Variants in VSNL1 observed in about 807,000 individuals in gnomAD.
The protein encoded by VSNL1 is visinin-like protein 1.
A neutral mutation model predicts 20.4 loss-of-function variants in VSNL1; 6 were observed. The ratio of observed to expected loss-of-function variants is 0.29; its 90% CI spans 0.16 to 0.58. VSNL1 has a LOEUF of 0.58. Ranked by LOEUF, VSNL1 falls within the 20% of genes least tolerant of loss-of-function variation. VSNL1 has a pLI of 0.90. For missense variants in VSNL1, 100 were observed against 234.5 expected, an observed-to-expected ratio of 0.43 and a Z score of 3.75; for synonymous variants, 93 against 86.4, an observed-to-expected ratio of 1.08 and a Z score of -0.42.
At chr2:17,584,407 C>A (rs1160316214) in intron 1 of VSNL1, among the ~76,000 whole-genome samples, 1 of 151,988 alleles carries the variant, frequency 6.6e-6, no homozygotes, top group Non-Finnish European at 1.5e-5. Flanking sequence ...TTGCATCTGA[C>A]CCCCAAGGGT....
chr2:17,589,549 T>C (rs1312770128), intron 1 of VSNL1, among the ~76,000 whole-genome samples: 1 of 152,178 alleles, frequency 6.6e-6, no homozygotes, highest in African/African-American at 2.4e-5. Context: ...AACCTGACTT[T>C]CTGTGTGATT....
At chr2:17,650,195 T>C (rs1391071420) in intron 3 of VSNL1, among the ~76,000 whole-genome samples, 2 of 152,190 alleles carry the variant, frequency 1.3e-5, no homozygotes, top group Non-Finnish European at 2.9e-5. Flanking sequence ...TGCCCTCCCC[T>C]GGCCTCTGGG....
At chr2:17,617,799 T>C (rs971570344) in intron 2 of VSNL1, among the ~76,000 whole-genome samples, 4 of 152,090 alleles carry the variant, frequency 2.6e-5, no homozygotes, top group African/African-American at 9.7e-5. Context: ...ATGCTGGAAT[T>C]GAACAGGGCT....
intron 2 of VSNL1, among the ~76,000 whole-genome samples, chr2:17,594,773 G>A (rs1198139651): frequency 1.3e-5 from 2 of 152,208 alleles, no homozygotes; most frequent in Non-Finnish European, 2.9e-5. Flanking sequence ...AAGTTCTGAT[G>A]AGTGTTTAAG....
At chr2:17,621,284 T>G (rs1251277258) in intron 2 of VSNL1, among the ~76,000 whole-genome samples, 1 of 151,770 alleles carries the variant, frequency 6.6e-6, no homozygotes, top group African/African-American at 2.4e-5. Context: ...CTCTTTCTTT[T>G]TTTCTCTCTC....
At chr2:17,569,606 T>G (rs76548649) in intron 1 of VSNL1, among the ~76,000 whole-genome samples, 3,775 of 152,240 alleles carry the variant, frequency 0.025, 178 homozygotes, top group African/African-American at 0.086. Flanking sequence ...ATCCGTTACC[T>G]CACTGTGCTC....
At chr2:17,637,586 T>C (rs557127423) in intron 2 of VSNL1, among the ~76,000 whole-genome samples, 226 of 152,208 alleles carry the variant, frequency 1.5e-3, no homozygotes, top group African/African-American at 5.3e-3. Context: ...CCAACCTGCC[T>C]GGGCTTCCTC....
At chr2:17,551,370 C>T (rs1663531407) in intron 1 of VSNL1, among the ~76,000 whole-genome samples, 1 of 152,086 alleles carries the variant, frequency 6.6e-6, no homozygotes, top group African/African-American at 2.4e-5. Context: ...TTAAATTAGA[C>T]TAAACTTTTT....
chr2:17,583,812 G>A (rs977299171), intron 1 of VSNL1, among the ~76,000 whole-genome samples: 6 of 152,282 alleles, frequency 3.9e-5, no homozygotes, highest in Middle Eastern at 3.4e-3. Context: ...ATTTGTGTAC[G>A]TCTGTTTACA....
intron 2 of VSNL1, among the ~76,000 whole-genome samples, chr2:17,601,503 G>A (rs1664819155): frequency 6.6e-6 from 1 of 151,918 alleles, no homozygotes; most frequent in African/African-American, 2.4e-5. Flanking sequence ...AGGTATCATG[G>A]TGCATGTCTG....
intron 2 of VSNL1, among the ~76,000 whole-genome samples, chr2:17,639,382 T>C (rs1665832553): frequency 6.6e-6 from 1 of 152,176 alleles, no homozygotes; most frequent in Admixed American, 6.5e-5. Context: ...TCATTAACAT[T>C]GGGTGTGCCT....
At chr2:17,600,512 G>A (rs1404495521) in intron 2 of VSNL1, among the ~76,000 whole-genome samples, 2 of 152,174 alleles carry the variant, frequency 1.3e-5, no homozygotes, top group Non-Finnish European at 2.9e-5. Context: ...GATGACTACT[G>A]CCTCTTCTCA....
At chr2:17,584,437 C>A (rs941353794) in intron 1 of VSNL1, among the ~76,000 whole-genome samples, 1 of 152,168 alleles carries the variant, frequency 6.6e-6, no homozygotes, top group African/African-American at 2.4e-5. Flanking sequence ...TTTGATTATG[C>A]CATTTTGACC....
At chr2:17,588,322 T>C (rs1664524154) in intron 1 of VSNL1, among the ~76,000 whole-genome samples, 1 of 152,076 alleles carries the variant, frequency 6.6e-6, no homozygotes, top group Non-Finnish European at 1.5e-5. Context: ...AATGGTAGAG[T>C]TGGAAAGGCC....
intron 2 of VSNL1, among the ~76,000 whole-genome samples, chr2:17,613,699 A>G (rs1420592013): frequency 6.6e-6 from 1 of 152,216 alleles, no homozygotes; most frequent in Non-Finnish European, 1.5e-5. Context: ...GGGAATGCTC[A>G]GCTGTTCCCT....
intron 1 of VSNL1, among the ~76,000 whole-genome samples, chr2:17,588,408 A>G (rs2680833): frequency 0.97 from 146,984 of 152,252 alleles, 71,136 homozygotes; most frequent in East Asian, 1. Context: ...GATCTTGGCC[A>G]AGATCACAGA....
chr2:17,588,113 G>A (rs1244402495), intron 1 of VSNL1, among the ~76,000 whole-genome samples: 2 of 152,194 alleles, frequency 1.3e-5, no homozygotes, highest in Non-Finnish European at 2.9e-5. Flanking sequence ...GGATGGGCTG[G>A]CTTTAATATT....
chr2:17,555,064 A>G (rs1663641519), intron 1 of VSNL1, among the ~76,000 whole-genome samples: 1 of 152,162 alleles, frequency 6.6e-6, no homozygotes, highest in Non-Finnish European at 1.5e-5. Flanking sequence ...CATAACTCTG[A>G]CTACAGGCTG....
intron 1 of VSNL1, among the ~76,000 whole-genome samples, chr2:17,570,251 C>G (rs753041592): frequency 3.3e-5 from 5 of 152,174 alleles, no homozygotes; most frequent in Non-Finnish European, 7.3e-5. Context: ...ATTTATGAGA[C>G]TCCCTACATG....
Sources: allele counts gnomAD v4.1 joint callset (sites outside exome capture counted in the v4.1 genomes callset), GRCh38; gene constraint gnomAD v4.1.1; transcripts MANE v1.5; gene names NCBI Gene and HGNC (gene_info 2026-07-23, HGNC 2026-07-21).